Variants in CYLC1 observed in about 807,000 individuals in gnomAD.
CYLC1 encodes the protein cylicin 1, also known as cylicin-1.
Under a neutral mutation model 31.6 loss-of-function variants are expected in CYLC1, and 2 were observed. That is an observed-to-expected ratio of 0.06 (90% CI 0.03 to 0.20). CYLC1 has a LOEUF of 0.20. Ranked by LOEUF, CYLC1 falls within the 10% of genes least tolerant of loss-of-function variation. CYLC1 has a pLI of 1.00. For missense variants in CYLC1, 595 were observed against 424.1 expected, an observed-to-expected ratio of 1.40 and a Z score of -3.54; for synonymous variants, 185 against 153.0, an observed-to-expected ratio of 1.21 and a Z score of -1.54.
At chrX:83,886,327 T>C (rs749635096) in intron 4 of CYLC1, among the ~76,000 whole-genome samples, 26 of 111,070 alleles carry the variant, frequency 2.3e-4, no homozygotes, top group Admixed American at 8.7e-4. Context: ...GCTTGTTGAA[T>C]GTGCATACTG....
chrX:83,862,058 G>A (rs896619181), intron 1 of CYLC1, among the ~76,000 whole-genome samples: 1 of 111,190 alleles, frequency 9.0e-6, no homozygotes, highest in Non-Finnish European at 1.9e-5. Flanking sequence ...GCACAAATTC[G>A]AAATAAAAAG....
rs1320795685 is a variant in CYLC1 at position 83,871,058 on chromosome X, T to C, written c.59-394T>C. Among the ~76,000 whole-genome samples, 25 of 103,209 alleles carry C rather than the reference T, an allele frequency of 2.4e-4. No homozygotes were observed. The Admixed American group carries it at 2.5e-3, about 10-fold the overall frequency. 89.6% of individuals were successfully genotyped at this position (103,209 alleles called of 115,157 possible). On this transcript the variant is annotated intron_variant, in intron 2 of 4. Coordinates refer to ENST00000329312, the MANE Select transcript of CYLC1 (RefSeq NM_021118.3). ...ATGAAGACTATAGCAGAAGTTATAT[T>C]GTCTGCAATCTAACTAAAGTGACAT...
At chrX:83,878,838 G>A (rs1409343852) in intron 4 of CYLC1, among the ~76,000 whole-genome samples, 1 of 105,737 alleles carries the variant, frequency 9.5e-6, no homozygotes, top group Non-Finnish European at 1.9e-5. Context: ...TGAATCTTAT[G>A]GAGTTTTCTC....
chrX:83,879,047 G>A (rs1215712987), intron 4 of CYLC1, among the ~76,000 whole-genome samples: 1 of 109,773 alleles, frequency 9.1e-6, no homozygotes, highest in African/African-American at 3.3e-5. Flanking sequence ...ATAAATCTTA[G>A]CAATATTCTC....
chrX:83,885,011 G>A (rs1291721427), intron 4 of CYLC1, among the ~76,000 whole-genome samples: 1 of 111,362 alleles, frequency 9.0e-6, no homozygotes, highest in Admixed American at 9.6e-5. Context: ...AAGGTATTAA[G>A]TTTAATTTTG....
chrX:83,877,920 A>ATATATACAAATATATATATATATATTTG (rs1475752371), intron 4 of CYLC1, among the ~76,000 whole-genome samples: 1 of 80,669 alleles, frequency 1.2e-5, no homozygotes, highest in Non-Finnish European at 2.3e-5. Context: ...ATATATATAT[A>ATATATACAAATATATATATATATATTTG]TATATAAATA....
chrX:83,878,460 T>TATATAAATATAG (rs2031857555), intron 4 of CYLC1, among the ~76,000 whole-genome samples: 1 of 70,948 alleles, frequency 1.4e-5, no homozygotes, highest in African/African-American at 5.8e-5. Flanking sequence ...TATAAATATA[T>TATATAAATATAG]ATAAATATAT....
rs183896010 is a variant in CYLC1, at chrX:83,863,097, C to T, written c.17+1898C>T. 5.3e-3 allele frequency among the ~76,000 whole-genome samples: 597 copies of T among 111,676 alleles called. 3 individuals are homozygous for T. Among genetic ancestry groups the T allele is most frequent in the African/African-American group, 0.018 (551 of 30,763 alleles). ...TTGTGATGATTTTCCGTCTGGCTAT[C>T]ACTTTCTCCAAAAGTACCTTTGTCT... On this transcript the variant is annotated intron_variant, in intron 1 of 4. Coordinates refer to ENST00000329312, the MANE Select transcript of CYLC1 (RefSeq NM_021118.3).
At chrX:83,872,787 T>G (rs2031688505) in intron 3 of CYLC1, 99 bp from the exon 4 acceptor site, 2 of 682,629 alleles carry the variant, frequency 2.9e-6, no homozygotes, top group Non-Finnish European at 2.0e-6. Flanking sequence ...AAAACTAAGT[T>G]TAAATAGATG....
chrX:83,869,985 A>C, intron 2 of CYLC1, 80 bp downstream of exon 2: 1 of 541,420 alleles, frequency 1.8e-6, no homozygotes, highest in Non-Finnish European at 2.5e-6. Context: ...ATATTCCATT[A>C]AATGTGATAA....
intron 1 of CYLC1, among the ~76,000 whole-genome samples, chrX:83,861,494 A>G (rs1035185357): frequency 1.8e-5 from 2 of 111,978 alleles, no homozygotes; most frequent in Admixed American, 1.9e-4. Flanking sequence ...TGGAAAGAAT[A>G]AACTTATGTG....
At chrX:83,875,401 A>T (rs1351665439) in intron 4 of CYLC1, among the ~76,000 whole-genome samples, 1 of 111,297 alleles carries the variant, frequency 9.0e-6, no homozygotes, top group African/African-American at 3.3e-5. Flanking sequence ...GCTGATAAAG[A>T]TATACCTGAA....
intron 1 of CYLC1, among the ~76,000 whole-genome samples, chrX:83,868,139 C>A (rs768486399): frequency 9.0e-6 from 1 of 110,630 alleles, no homozygotes; most frequent in African/African-American, 3.3e-5. Flanking sequence ...GGATTTCACT[C>A]CAGATCAAAT....
At chrX:83,879,579 A>G (rs1464148597) in intron 4 of CYLC1, among the ~76,000 whole-genome samples, 1 of 111,305 alleles carries the variant, frequency 9.0e-6, no homozygotes, top group Non-Finnish European at 1.9e-5. Context: ...TTTTCCTTCC[A>G]TCTTTTATTT....
chrX:83,863,478 C>T (rs992199837), intron 1 of CYLC1, among the ~76,000 whole-genome samples: 14 of 111,187 alleles, frequency 1.3e-4, no homozygotes, highest in Non-Finnish European at 1.7e-4. Flanking sequence ...TCCTTGCATA[C>T]ATCCTCAGTT....
chrX:83,874,678 G>C, intron 4 of CYLC1, 47 bp downstream of exon 4: 1 of 1,085,650 alleles, frequency 9.2e-7, no homozygotes, highest in East Asian at 3.1e-5. Context: ...GATATAAAAT[G>C]AAAGACTTTT....
At chrX:83,863,133 T>C (rs1488504740) in intron 1 of CYLC1, among the ~76,000 whole-genome samples, 2 of 111,997 alleles carry the variant, frequency 1.8e-5, no homozygotes, top group Non-Finnish European at 3.8e-5. Flanking sequence ...TAATTCCTAG[T>C]AATTTTACTA....
chrX:83,875,870 G>A (rs144784797), intron 4 of CYLC1, among the ~76,000 whole-genome samples: 1,783 of 110,145 alleles, frequency 0.016, 40 homozygotes, highest in African/African-American at 0.057. Context: ...TCTAAGCATC[G>A]TAGGACTGCT....
At chrX:83,877,985 A>AATATATATATTTGTATATAAATATAT (rs2031807777) in intron 4 of CYLC1, among the ~76,000 whole-genome samples, 1 of 70,520 alleles carries the variant, frequency 1.4e-5, no homozygotes, top group Non-Finnish European at 2.5e-5. Context: ...TATAAATATA[A>AATATATATATTTGTATATAAATATAT]ATATATATAT....
Sources: gnomAD v4.1 joint callset for allele counts (sites outside exome capture counted in the v4.1 genomes callset) on GRCh38, gnomAD v4.1.1 for gene constraint, MANE v1.5 for transcripts, NCBI Gene and HGNC (gene_info 2026-07-23, HGNC 2026-07-21) for gene names.